The following MAD1L1 variants were observed in gnomAD, a reference collection of about 807,000 sequenced individuals.
MAD1L1 encodes the protein mitotic arrest deficient 1 like 1.
MAD1L1 carries 95 observed loss-of-function variants against 96.9 expected under a neutral mutation model. That is an observed-to-expected ratio of 0.98 (90% confidence interval 0.83 to 1.16). The LOEUF (loss-of-function observed/expected upper bound fraction) is 1.16, where lower values mean the gene tolerates loss of function less well. Among genes scored for constraint, MAD1L1 ranks in the 50% most tolerant of loss-of-function variants. The pLI is 0.00. For synonymous variants in MAD1L1, 473 were observed against 396.6 expected, an observed-to-expected ratio of 1.19 and a Z score of -2.29; for missense variants, 1,007 against 954.4, an observed-to-expected ratio of 1.06 and a Z score of -0.73.
At chr7:2,163,730 G>A (rs1369357300) in intron 10 of MAD1L1, among the ~76,000 whole-genome samples, 3 of 152,064 alleles carry the variant, frequency 2.0e-5, no homozygotes, top group African/African-American at 4.8e-5. Flanking sequence ...AGCAGGAATC[G>A]ACACTCTCCT....
intron 16 of MAD1L1, among the ~76,000 whole-genome samples, chr7:1,940,931 TCCCCCAGGCCTCACC>T (rs1778927873): frequency 2.4e-5 from 2 of 84,296 alleles, no homozygotes; most frequent in African/African-American, 5.1e-5. Flanking sequence ...GAGACCCTCC[TCCCCCAGGCCTCACC>T]CTCCTCTTCC....
At chr7:2,009,783 A>G (rs1782208020) in intron 13 of MAD1L1, among the ~76,000 whole-genome samples, 1 of 152,172 alleles carries the variant, frequency 6.6e-6, no homozygotes, top group Non-Finnish European at 1.5e-5. Context: ...GGTGGAGAGG[A>G]CAGAGCCTGC....
intron 11 of MAD1L1, among the ~76,000 whole-genome samples, chr7:2,089,744 G>A (rs111315099): frequency 2.7e-5 from 4 of 149,330 alleles, no homozygotes; most frequent in African/African-American, 4.9e-5. Context: ...ACCCCATCAC[G>A]TGCATCGTGT....
At chr7:1,880,557 G>A (rs1324847580) in intron 18 of MAD1L1, among the ~76,000 whole-genome samples, 1 of 152,208 alleles carries the variant, frequency 6.6e-6, no homozygotes, top group Non-Finnish European at 1.5e-5. Context: ...CTGACTTCCT[G>A]CAGTCACAGT....
intron 11 of MAD1L1, among the ~76,000 whole-genome samples, chr7:2,125,306 A>G (rs1175889333): frequency 1.3e-5 from 2 of 152,038 alleles, no homozygotes; most frequent in Non-Finnish European, 2.9e-5. Flanking sequence ...CCTTCTGATG[A>G]CTGGACAGAT....
intron 16 of MAD1L1, among the ~76,000 whole-genome samples, chr7:1,947,607 C>T (rs1382518198): frequency 6.6e-6 from 1 of 151,390 alleles, no homozygotes; most frequent in South Asian, 2.1e-4. Flanking sequence ...TTGGCCTTCC[C>T]ATCTCCTGCC....
At chr7:2,070,432 G>C (rs762778535) in intron 11 of MAD1L1, among the ~76,000 whole-genome samples, 2 of 152,236 alleles carry the variant, frequency 1.3e-5, no homozygotes, top group Non-Finnish European at 2.9e-5. Context: ...ACACAGCCAG[G>C]AGAGATGAGA....
chr7:2,231,696 T>A (rs940929743), intron 1 of MAD1L1, among the ~76,000 whole-genome samples: 1 of 152,156 alleles, frequency 6.6e-6, no homozygotes, highest in African/African-American at 2.4e-5. Context: ...ATGATGATCA[T>A]CACAGCTGTG....
chr7:1,982,428 C>G (rs79950306), intron 14 of MAD1L1, among the ~76,000 whole-genome samples: 44,470 of 152,086 alleles, frequency 0.29, 7,810 homozygotes, highest in East Asian at 0.47. Context: ...AGGCTGGTCC[C>G]GATCTCCTGA....
At chr7:1,850,137 G>A (rs10260968) in intron 18 of MAD1L1, among the ~76,000 whole-genome samples, 96,908 of 152,054 alleles carry the variant, frequency 0.64, 31,135 homozygotes, top group South Asian at 0.79. Context: ...GTGGTTGTGG[G>A]TGAGCGGCGG....
intron 10 of MAD1L1, among the ~76,000 whole-genome samples, chr7:2,195,664 C>T (rs111569161): frequency 9.8e-5 from 15 of 152,348 alleles, no homozygotes; most frequent in African/African-American, 3.1e-4. Context: ...GCCACCTCCG[C>T]GAACAAGATA....
chr7:2,146,584 A>G lies in MAD1L1; in HGVS notation c.1073+2568T>C, dbSNP rs1428963130. ...TCCGCACAGACGAGGGAAAATGCCC[A>G]GCAGCTGCTCTCATGACCCGTGACC... On this transcript the variant is annotated intron_variant, in intron 11 of 18. Transcript: ENST00000265854. This position sits in a 1 kb window ranked among gnomAD's most constrained non-coding sequence, Gnocchi z 6.2. Among the ~76,000 whole-genome samples the G allele has an allele frequency of 6.6e-6, 1 of 152,242 alleles. No homozygotes were observed. The highest frequency in any genetic ancestry group is 1.5e-5 in the Non-Finnish European group (1 of 68,036).
At chr7:2,172,177 T>C (rs759034349) in intron 10 of MAD1L1, among the ~76,000 whole-genome samples, 2 of 152,160 alleles carry the variant, frequency 1.3e-5, no homozygotes, top group African/African-American at 2.4e-5. Flanking sequence ...GAGCAGCACC[T>C]GGAAAGGGCC....
intron 18 of MAD1L1, among the ~76,000 whole-genome samples, chr7:1,860,133 C>T (rs1784464036): frequency 3.4e-5 from 5 of 145,588 alleles, no homozygotes; most frequent in Non-Finnish European, 1.5e-5. Flanking sequence ...GACCTGACAT[C>T]TGGCGGGGCG....
At chr7:1,837,405 G>A (rs1280252140) in intron 18 of MAD1L1, among the ~76,000 whole-genome samples, 1 of 152,188 alleles carries the variant, frequency 6.6e-6, no homozygotes, top group Non-Finnish European at 1.5e-5. Context: ...GCAACTTCTT[G>A]TAAAGTTAGG....
chr7:2,013,735 G>A (rs1156737909), intron 13 of MAD1L1, among the ~76,000 whole-genome samples: 10 of 152,230 alleles, frequency 6.6e-5, no homozygotes, highest in Admixed American at 6.5e-4. Context: ...GGAGAACACG[G>A]GCCTTTCAAG....
intron 11 of MAD1L1, among the ~76,000 whole-genome samples, chr7:2,101,616 C>G (rs1401603205): frequency 6.6e-6 from 1 of 152,120 alleles, no homozygotes; most frequent in Non-Finnish European, 1.5e-5. Context: ...GAGACTGGGG[C>G]TCCATTCCTA....
intron 13 of MAD1L1, among the ~76,000 whole-genome samples, chr7:2,005,999 G>A (rs1782014489): frequency 6.6e-6 from 1 of 152,068 alleles, no homozygotes; most frequent in East Asian, 1.9e-4. Context: ...GTGTGAAATG[G>A]AGAGCACGCT....
chr7:2,014,778 C>T (rs1782461175), intron 12 of MAD1L1, 136 bp from the exon 13 acceptor site: 1 of 1,021,106 alleles, frequency 9.8e-7, no homozygotes, highest in East Asian at 2.9e-5. Flanking sequence ...CACTCAGAGC[C>T]CACCCCTGAG....
Sources: gnomAD v4.1 joint callset for allele counts (sites outside exome capture counted in the v4.1 genomes callset) on GRCh38, gnomAD v4.1.1 for gene constraint, Gnocchi (gnomAD v3.1) non-coding constraint, MANE v1.5 for transcripts, NCBI Gene and HGNC (gene_info 2026-07-23, HGNC 2026-07-21) for gene names.